The following CDYL variants were observed in gnomAD, a reference collection of about 807,000 sequenced individuals.
CDYL encodes chromodomain Y like.
Under a neutral mutation model 47.3 loss-of-function variants are expected in CDYL, and 8 were observed. The observed-to-expected ratio is 0.17, with a 90% CI of 0.10 to 0.31. The LOEUF (loss-of-function observed/expected upper bound fraction) is 0.31, where lower values mean the gene tolerates loss of function less well. Among genes scored for constraint, CDYL ranks in the 10% least tolerant of loss-of-function variants. CDYL has a pLI of 1.00. For synonymous variants in CDYL, 266 were observed against 265.0 expected (o/e 1.00, Z -0.04); for missense variants, 471 against 701.4 (o/e 0.67, Z 3.71).
chr6:4,940,081 G>A (rs1758319884), intron 4 of CDYL, among the ~76,000 whole-genome samples: 1 of 152,180 alleles, frequency 6.6e-6, no homozygotes, highest in African/African-American at 2.4e-5. Context: ...GCAGAGGAAA[G>A]CTAGATCCAG....
intron 2 of CDYL, among the ~76,000 whole-genome samples, chr6:4,920,611 A>C (rs768942526): frequency 6.6e-6 from 1 of 152,092 alleles, no homozygotes; most frequent in Non-Finnish European, 1.5e-5. Flanking sequence ...TCATTAATCA[A>C]ATTCGTTCAG....
rs1321638834 is a variant in CDYL, at chr6:4,932,803, G to A, written c.692-2712G>A. On this transcript the variant is annotated intron_variant, in intron 2 of 6. Coordinates refer to ENST00000397588, the MANE Select transcript of CDYL (RefSeq NM_004824.4). ...TCTCTTTTTAGGCAGGGAAATCATTGCTGTCGGCTGTCACCTAAGTGGCAA... is the reference window on the plus strand; with the variant it reads ...TCTCTTTTTAGGCAGGGAAATCATTACTGTCGGCTGTCACCTAAGTGGCAA... Among the ~76,000 whole-genome samples the A allele has an allele frequency of 2.0e-5, 3 of 152,146 alleles. No individual in the cohort carries two copies. The East Asian group carries it at 5.8e-4, about 29-fold the overall frequency.
intron 3 of CDYL, among the ~76,000 whole-genome samples, chr6:4,761,209 CCA>C (rs1758170131): frequency 6.6e-6 from 1 of 152,152 alleles, no homozygotes; most frequent in Non-Finnish European, 1.5e-5. Context: ...TGAGCACTCT[CCA>C]GTTACATATG....
Position 4,837,476 on chromosome 6 carries a change from T to G in CDYL, c.25-54237T>G, listed in dbSNP as rs1760353648. 2.6e-5 allele frequency among the ~76,000 whole-genome samples: 4 copies of G among 151,396 alleles called. No homozygotes were observed. The South Asian group carries it at 8.3e-4, about 31-fold the overall frequency. ...TTTTTTGTTGTCGTTGTTTTTTTTT[T>G]TTTTTGGAGACAGAGTCTTGCTCTG... On this transcript the variant is annotated intron_variant, in intron 1 of 6. Transcript: ENST00000397588.
At chr6:4,860,650 A>C (rs1232729827) in intron 1 of CDYL, among the ~76,000 whole-genome samples, 2 of 147,770 alleles carry the variant, frequency 1.4e-5, no homozygotes, top group African/African-American at 4.9e-5. Flanking sequence ...TAATATATAA[A>C]TAATATATAT....
At chr6:4,782,021 C>G (rs535210454) in intron 1 of CDYL, among the ~76,000 whole-genome samples, 1 of 147,128 alleles carries the variant, frequency 6.8e-6, no homozygotes, top group South Asian at 2.3e-4. Context: ...CCTCTGGATA[C>G]GCCCTTCTGT....
chr6:4,953,842 G>A, intron 6 of CDYL, 56 bp from the exon 7 acceptor site: 2 of 1,542,336 alleles, frequency 1.3e-6, no homozygotes, highest in South Asian at 2.4e-5. Context: ...GAGGCACAGG[G>A]GACCCGTGTC....
intron 1 of CDYL, among the ~76,000 whole-genome samples, chr6:4,819,116 T>TTCTCTCTC (rs373718294): frequency 0.051 from 3,912 of 76,418 alleles, 214 homozygotes; most frequent in East Asian, 0.079. Context: ...TTTAGGTTCG[T>TTCTCTCTC]TCTCTCTCTC....
chr6:4,882,905 T>C (rs1398606175), intron 1 of CDYL, among the ~76,000 whole-genome samples: 1 of 152,150 alleles, frequency 6.6e-6, no homozygotes, highest in Admixed American at 6.5e-5. Flanking sequence ...CCCAAACAAG[T>C]TGACGTACAT....
At chr6:4,899,774 C>T (rs552059155) in intron 2 of CDYL, among the ~76,000 whole-genome samples, 4 of 152,292 alleles carry the variant, frequency 2.6e-5, no homozygotes, top group Middle Eastern at 3.4e-3. Context: ...TATTCTGATT[C>T]CCGTCAGAAG....
intron 2 of CDYL, among the ~76,000 whole-genome samples, chr6:4,896,134 G>C (rs532778919): frequency 3.9e-5 from 6 of 152,332 alleles, no homozygotes; most frequent in African/African-American, 9.6e-5. Context: ...CTGTTAGGGA[G>C]CATTTTTAGG....
intron 2 of CDYL, among the ~76,000 whole-genome samples, chr6:4,728,479 T>G (rs1757552583): frequency 6.6e-6 from 1 of 152,140 alleles, no homozygotes; most frequent in Non-Finnish European, 1.5e-5. Context: ...CAATTATTGC[T>G]TCCAGGTCCT....
At chr6:4,807,024 G>T in intron 1 of CDYL, among the ~76,000 whole-genome samples, 1 of 152,282 alleles carries the variant, frequency 6.6e-6, no homozygotes. Flanking sequence ...GTCCTCACAC[G>T]CTCTTTCCTC....
intron 3 of CDYL, among the ~76,000 whole-genome samples, chr6:4,769,965 TTGTGTGTGTGTGTGTGTG>T (rs58041362): frequency 3.6e-5 from 5 of 137,814 alleles, no homozygotes; most frequent in South Asian, 2.4e-4. Flanking sequence ...CCCGGCTAAT[TTGTGTGTGTGTGTGTGTG>T]TGTGTGTGTG....
In CDYL at chr6:4,776,818, TCCCCCCGGCCTCGGGCCG is replaced by T. The variant is rs1305582722; in HGVS notation, c.24+19_24+36del. On this transcript the variant is annotated intron_variant, in intron 1 of 6. Coordinates refer to ENST00000397588, the MANE Select transcript of CDYL (RefSeq NM_004824.4). ...GAGGAGCTGTACGAGGTACCTCCCC[TCCCCCCGGCCTCGGGCCG>T]CCCCCCGCCCGCCGCCCCTCCCGGC... is the stretch of plus-strand genomic sequence containing the variant. 2.6e-6 allele frequency: 2 copies of T among 756,536 alleles called. No individual in the cohort carries two copies. The highest frequency in any genetic ancestry group is 3.2e-6 in the Non-Finnish European group (2 of 628,936). The allele number at this position is 756,536 out of a possible 1,614,324, so 46.9% of individuals were successfully genotyped here.
chr6:4,716,859 C>A (rs1757274922), intron 2 of CDYL, among the ~76,000 whole-genome samples: 1 of 152,146 alleles, frequency 6.6e-6, no homozygotes, highest in Non-Finnish European at 1.5e-5. Flanking sequence ...AAGGAGCTTT[C>A]ATTCTGCAAG....
Position 4,724,106 on chromosome 6 carries a change from T to G in CDYL, c.103+8225T>G, listed in dbSNP as rs191201763. Among the ~76,000 whole-genome samples the G allele has an allele frequency of 2.2e-3, 341 of 152,350 alleles. 1 individual carries two copies. Among genetic ancestry groups the G allele is most frequent in the Non-Finnish European group, 3.6e-3 (245 of 68,034 alleles). Reference sequence around the variant, plus strand: ...CAGGCTCTGGAGTGCAGGGGCATGATCTTGGCTCACTATAACCTTGACCTC... The same window carrying G: ...CAGGCTCTGGAGTGCAGGGGCATGAGCTTGGCTCACTATAACCTTGACCTC... On this transcript the variant is annotated intron_variant, in intron 2 of 8. Transcript: ENST00000328908.
intron 1 of CDYL, among the ~76,000 whole-genome samples, chr6:4,852,114 A>G (rs1330577748): frequency 6.6e-6 from 1 of 152,192 alleles, no homozygotes; most frequent in Non-Finnish European, 1.5e-5. Flanking sequence ...CACCAGGCAG[A>G]AATCCCATTT....
At chr6:4,720,407 A>G (rs1018913339) in intron 2 of CDYL, among the ~76,000 whole-genome samples, 1 of 152,240 alleles carries the variant, frequency 6.6e-6, no homozygotes, top group Non-Finnish European at 1.5e-5. Context: ...CCTAGTAGGC[A>G]TGAAATAAAT....
Sources: allele counts gnomAD v4.1 joint callset (sites outside exome capture counted in the v4.1 genomes callset), GRCh38; gene constraint gnomAD v4.1.1; transcripts MANE v1.5; gene names NCBI Gene and HGNC (gene_info 2026-07-23, HGNC 2026-07-21).